OSBP2: variants seen among roughly 807,000 people sequenced by gnomAD.
OSBP2 encodes the protein oxysterol-binding protein 2.
In OSBP2, 66 loss-of-function variants were observed where a neutral mutation model predicts 96.0. That is an observed-to-expected ratio of 0.69 (90% CI 0.56 to 0.84). The LOEUF is 0.84. Among genes scored for constraint, OSBP2 ranks in the 40% least tolerant of loss-of-function variants. The pLI, the probability that OSBP2 is intolerant of heterozygous loss-of-function variation, is 0.00. For missense variants in OSBP2, 1,038 were observed against 1,222.7 expected (o/e 0.85, Z 2.25); for synonymous variants, 525 against 520.9 (o/e 1.01, Z -0.11).
intron 5 of OSBP2, 39 bp from the exon 6 acceptor site, chr22:30,889,138 G>A: frequency 6.3e-7 from 1 of 1,597,880 alleles, no homozygotes; most frequent in Non-Finnish European, 8.5e-7. Flanking sequence ...GGAGACCTCG[G>A]GATTCATTAG....
chr22:30,787,634 C>CT (rs2090611665), intron 2 of OSBP2, among the ~76,000 whole-genome samples: 1 of 152,018 alleles, frequency 6.6e-6, no homozygotes, highest in African/African-American at 2.4e-5. Context: ...GATCGTGCCA[C>CT]TGCACTCCAG....
intron 12 of OSBP2, chr22:30,902,511 A>T: frequency 1.3e-6 from 2 of 1,524,820 alleles, no homozygotes; most frequent in Non-Finnish European, 9.1e-7. Flanking sequence ...ACGAAGCTTC[A>T]GGGATGACTT....
intron 2 of OSBP2, among the ~76,000 whole-genome samples, chr22:30,825,552 T>C (rs1325561070): frequency 1.2e-4 from 19 of 152,168 alleles, no homozygotes; most frequent in Non-Finnish European, 2.5e-4. Context: ...CCACTTGAGG[T>C]CTCTTGTAAG....
intron 1 of OSBP2, among the ~76,000 whole-genome samples, chr22:30,727,834 C>T (rs966700994): frequency 3.3e-5 from 5 of 152,144 alleles, no homozygotes; most frequent in Non-Finnish European, 7.3e-5. Flanking sequence ...GGGCCGGGCG[C>T]AGTGTCTCAC....
chr22:30,728,818 CATTTGTTTTAATTGCTGT>C (rs1416279106), intron 1 of OSBP2, among the ~76,000 whole-genome samples: 1 of 152,162 alleles, frequency 6.6e-6, no homozygotes, highest in Non-Finnish European at 1.5e-5. Context: ...GTAACTAACT[CATTTGTTTTAATTGCTGT>C]ATTATATTCC....
chr22:30,902,473 T>C, intron 12 of OSBP2: 1 of 1,583,466 alleles, frequency 6.3e-7, no homozygotes, highest in Admixed American at 1.7e-5. Flanking sequence ...TAAAGGTGGC[T>C]TTGGATTCAG....
intron 1 of OSBP2, among the ~76,000 whole-genome samples, chr22:30,717,090 T>TTTTTGTGTGTG (rs71328866): frequency 3.4e-4 from 40 of 118,410 alleles, no homozygotes; most frequent in African/African-American, 1.2e-3. Context: ...TTTACTGTTT[T>TTTTTGTGTGTG]TGTGTGTGTG....
At chr22:30,714,923 G>A (rs958065575) in intron 1 of OSBP2, among the ~76,000 whole-genome samples, 1 of 152,010 alleles carries the variant, frequency 6.6e-6, no homozygotes, top group African/African-American at 2.4e-5. Context: ...GCCTTCTGTT[G>A]TTTCTTTTGG....
At chr22:30,887,032 T>TA (rs1288328357) in intron 3 of OSBP2, among the ~76,000 whole-genome samples, 1 of 152,192 alleles carries the variant, frequency 6.6e-6, no homozygotes, top group Non-Finnish European at 1.5e-5. Context: ...TTCTTGCTGA[T>TA]ATGCTAAACA....
chr22:30,781,369 C>G (rs932704148), intron 2 of OSBP2, among the ~76,000 whole-genome samples: 3 of 152,066 alleles, frequency 2.0e-5, no homozygotes, highest in Non-Finnish European at 4.4e-5. Context: ...CCTGCTCCCC[C>G]CACCTTCCTC....
intron 1 of OSBP2, among the ~76,000 whole-genome samples, chr22:30,736,803 T>C (rs1264018387): frequency 6.6e-6 from 1 of 152,238 alleles, no homozygotes; most frequent in Non-Finnish European, 1.5e-5. Context: ...AGATTCTGTA[T>C]TGCATTTAGT....
intron 2 of OSBP2, among the ~76,000 whole-genome samples, chr22:30,787,744 C>T (rs2090613878): frequency 6.6e-6 from 1 of 152,162 alleles, no homozygotes; most frequent in Admixed American, 6.5e-5. Flanking sequence ...CACAGAGTCC[C>T]TCCCACCATG....
At chr22:30,702,076 C>T (rs781331294) in intron 1 of OSBP2, among the ~76,000 whole-genome samples, 1 of 152,158 alleles carries the variant, frequency 6.6e-6, no homozygotes, top group Non-Finnish European at 1.5e-5. Context: ...TAGCTGAATA[C>T]CTCTGAGTCA....
chr22:30,859,765 A>G (rs1006466957), intron 2 of OSBP2, among the ~76,000 whole-genome samples: 1 of 152,238 alleles, frequency 6.6e-6, no homozygotes, highest in Non-Finnish European at 1.5e-5. Flanking sequence ...ACCAAACTGA[A>G]TTTGTGTTAT....
intron 2 of OSBP2, among the ~76,000 whole-genome samples, chr22:30,859,189 G>T (rs79330895): frequency 0.13 from 20,053 of 152,052 alleles, 1,645 homozygotes; most frequent in African/African-American, 0.24. Flanking sequence ...AGGAGAAGCC[G>T]CGCTGGCTGT....
chr22:30,875,453 A>G (rs899161365), intron 3 of OSBP2, among the ~76,000 whole-genome samples: 3 of 151,232 alleles, frequency 2.0e-5, no homozygotes, highest in Admixed American at 2.0e-4. Context: ...GCTCACCACA[A>G]CCTCGGCCTC....
At chr22:30,863,564 C>T (rs2039269858) in intron 2 of OSBP2, among the ~76,000 whole-genome samples, 1 of 152,104 alleles carries the variant, frequency 6.6e-6, no homozygotes, top group Non-Finnish European at 1.5e-5. Context: ...GGTCTGGAGC[C>T]TTGTGATGGG....
chr22:30,777,412 G>A (rs2090451789), intron 2 of OSBP2, among the ~76,000 whole-genome samples: 1 of 152,160 alleles, frequency 6.6e-6, no homozygotes, highest in African/African-American at 2.4e-5. Context: ...CCCTGCACAA[G>A]TTATCTTCTC....
Position 30,701,425 on chromosome 22 carries a change from G to T in OSBP2, c.644+5872G>T, listed in dbSNP as rs1043256532. ...GTGACATGATCTCGACTCACTGCAA[G>T]CTCCGCCTCCCAGGTTCATGCTATT... On this transcript the variant is annotated intron_variant, in intron 1 of 13. Coordinates refer to ENST00000332585, the MANE Select transcript of OSBP2 (RefSeq NM_030758.4). Among the ~76,000 whole-genome samples, 21 of 144,488 alleles carry T rather than the reference G, an allele frequency of 1.5e-4. No homozygotes were observed. In the South Asian group the frequency reaches 4.7e-3, roughly 32 times the overall value. The allele number at this position is 144,488 out of a possible 152,430, so 94.8% of individuals were successfully genotyped here.
Sources: allele counts gnomAD v4.1 joint callset (sites outside exome capture counted in the v4.1 genomes callset), GRCh38; gene constraint gnomAD v4.1.1; transcripts MANE v1.5; gene names NCBI Gene and HGNC (gene_info 2026-07-23, HGNC 2026-07-21).